SVIL: variants seen among roughly 807,000 people sequenced by gnomAD.
SVIL encodes the protein archvillin.
SVIL carries 101 observed loss-of-function variants against 240.4 expected under a neutral mutation model. That is an observed-to-expected ratio of 0.42 (90% CI 0.36 to 0.50). The LOEUF (loss-of-function observed/expected upper bound fraction) is 0.50. Ranked by LOEUF, SVIL falls within the 20% of genes least tolerant of loss-of-function variation. The probability of loss-of-function intolerance (pLI) is 0.01; values close to 1 mark genes in which losing one functional copy is unlikely to be tolerated. For missense variants in SVIL, 2,512 were observed against 2,818.7 expected (o/e 0.89, Z 2.46); for synonymous variants, 999 against 1,100.0 (o/e 0.91, Z 1.82).
chr10:29,536,364 T>A (rs1020164962), intron 6 of SVIL, among the ~76,000 whole-genome samples: 3 of 152,014 alleles, frequency 2.0e-5, no homozygotes, highest in Non-Finnish European at 2.9e-5. Context: ...ACAATTTACC[T>A]ACATAACAAA....
At chr10:29,639,400 A>C (rs1958412325), upstream of SVIL, among the ~76,000 whole-genome samples, 1 of 149,804 alleles carries the variant, frequency 6.7e-6, no homozygotes. Context: ...CGATCTCTCG[A>C]TTTCGTGATC....
intron 1 of SVIL, among the ~76,000 whole-genome samples, chr10:29,615,731 T>C (rs1165649047): frequency 6.6e-6 from 1 of 152,240 alleles, no homozygotes; most frequent in Non-Finnish European, 1.5e-5. Context: ...TTGCTATATA[T>C]CAAGCATTGG....
rs397726533 is a variant in SVIL at position 29,624,182 on chromosome 10, A to AAC, written c.-201+10237_-201+10238insGT. 8.0e-5 allele frequency among the ~76,000 whole-genome samples: 12 copies of AAC among 149,302 alleles called. No homozygotes were observed. In the South Asian group the frequency reaches 1.1e-3, roughly 13 times the overall value. On this transcript the variant is annotated intron_variant, in intron 1 of 37. Transcript: ENST00000355867. Reference sequence around the variant, plus strand: ...ATGAGCTTTCAAAAAAAAAAAAAAAACCCCTAGCATTTTCCATATGGTTTT... The same window carrying AAC: ...ATGAGCTTTCAAAAAAAAAAAAAAAAACCCCCTAGCATTTTCCATATGGTTTT...
chr10:29,588,907 T>C lies in SVIL; in HGVS notation c.-200-19595A>G, dbSNP rs1589333225. 1.3e-5 allele frequency among the ~76,000 whole-genome samples: 2 copies of C among 150,496 alleles called. 1 individual carries two copies. Among genetic ancestry groups the C allele is most frequent in the Non-Finnish European group, 3.0e-5 (2 of 67,636 alleles). On this transcript the variant is annotated intron_variant, in intron 1 of 37. Transcript: ENST00000355867. ...GTGACCACTTGCCTCACTTCCTACC[T>C]CCCCCACCCCCCCTTTTATTCCTTG...
At chr10:29,708,257 CAAAAAAAAAA>C (rs35982600) in intron 1 of SVIL, among the ~76,000 whole-genome samples, 2 of 62,708 alleles carry the variant, frequency 3.2e-5, no homozygotes, top group African/African-American at 1.3e-4. Context: ...GACTCCATCT[CAAAAAAAAAA>C]AAAAAAAAAA....
intron 1 of SVIL, among the ~76,000 whole-genome samples, chr10:29,688,236 C>T (rs1225455097): frequency 2.6e-5 from 4 of 152,178 alleles, no homozygotes; most frequent in Non-Finnish European, 4.4e-5. Context: ...TGCTTCGAGG[C>T]GGTGAGGCAG....
At chr10:29,462,189 T>C in intron 36 of SVIL, 88 bp downstream of exon 36, 1 of 1,468,966 alleles carries the variant, frequency 6.8e-7, no homozygotes, top group South Asian at 1.5e-5. Flanking sequence ...ACTCTGAAAG[T>C]GCAATTGGAT....
chr10:29,523,729 C>G lies in SVIL; in HGVS notation c.2885G>C (p.Gly962Ala). The part of the protein sequence containing the change: ...SKRALTGRDS[G>A]MEKYGSFEEA... ...CTCAAAGGACCCATACTTCTCCATCCCACTGTCTCGACCTGTCAAAGCTCT... is the reference window on the plus strand; with the variant it reads ...CTCAAAGGACCCATACTTCTCCATCGCACTGTCTCGACCTGTCAAAGCTCT... Residue 962 changes from glycine to alanine, a missense_variant, in exon 15 of 38, where the codon GGG (glycine) becomes GCG (alanine). By Grantham distance (60) the Gly-to-Ala change is moderately conservative. This residue lies in a region of SVIL where 1,443 missense variants were observed against 1,486.6 expected (regional missense o/e 0.97). Coordinates refer to ENST00000355867, the MANE Select transcript of SVIL (RefSeq NM_021738.3). 1 of 1,614,192 alleles carries G rather than the reference C, an allele frequency of 6.2e-7. No individual in the cohort carries two copies. The highest frequency in any genetic ancestry group is 1.1e-5 in the South Asian group (1 of 91,086).
At chr10:29,509,330 G>GGAGGGAGAGA (rs1323408870) in intron 17 of SVIL, among the ~76,000 whole-genome samples, 963 of 66,692 alleles carry the variant, frequency 0.014, 20 homozygotes, top group Middle Eastern at 0.066. Context: ...GGAGGGGGAG[G>GGAGGGAGAGA]GAGAGAGAGA....
chr10:29,590,165 CAAAAAAAAAAA>C (rs58469441), intron 1 of SVIL, among the ~76,000 whole-genome samples: 26 of 79,670 alleles, frequency 3.3e-4, no homozygotes, highest in East Asian at 3.0e-3. Context: ...GACTCCGTCT[CAAAAAAAAAAA>C]AAAAAAAAAA....
chr10:29,622,380 G>A (rs1171363111), intron 1 of SVIL, among the ~76,000 whole-genome samples: 1 of 150,544 alleles, frequency 6.6e-6, no homozygotes, highest in East Asian at 2.0e-4. Flanking sequence ...CTCTTCTTAT[G>A]ATCATCCCGC....
At chr10:29,489,547 T>C (rs1204947711) in intron 22 of SVIL, among the ~76,000 whole-genome samples, 1 of 152,196 alleles carries the variant, frequency 6.6e-6, no homozygotes, top group Non-Finnish European at 1.5e-5. Context: ...TTAAATACAC[T>C]TTTTTTGTTG....
Position 29,484,332 on chromosome 10 carries a change from A to G in SVIL, c.4955+324T>C, listed in dbSNP as rs1947185158. On this transcript the variant is annotated intron_variant, in intron 27 of 37. Transcript: ENST00000355867. The surrounding 1 kb of genome is among the most constrained non-coding windows in gnomAD (Gnocchi z 4.7). Reference sequence around the variant, plus strand: ...ACCCGGGGAAGCCTTTCAGATCCGCATGTAATTTGTTTAAACAATTGCTGT... The same window carrying G: ...ACCCGGGGAAGCCTTTCAGATCCGCGTGTAATTTGTTTAAACAATTGCTGT... Among the ~76,000 whole-genome samples the G allele has an allele frequency of 2.0e-5, 3 of 152,142 alleles. No individual in the cohort carries two copies. The South Asian group carries it at 6.2e-4, about 31-fold the overall frequency.
At chr10:29,463,373 G>A in intron 35 of SVIL, 119 bp downstream of exon 35, 5 of 1,343,678 alleles carry the variant, frequency 3.7e-6, no homozygotes, top group Non-Finnish European at 4.9e-6. Flanking sequence ...CCACCTGCCA[G>A]GCTTTATGGA....
intron 3 of SVIL, among the ~76,000 whole-genome samples, chr10:29,652,949 T>C (rs567198688): frequency 2.0e-5 from 3 of 152,168 alleles, no homozygotes; most frequent in East Asian, 3.9e-4. Flanking sequence ...TTATGACATA[T>C]ATAATTTGCA....
intron 18 of SVIL, among the ~76,000 whole-genome samples, chr10:29,498,110 A>G (rs1198144225): frequency 5.3e-5 from 8 of 149,608 alleles, no homozygotes; most frequent in Non-Finnish European, 7.4e-5. Flanking sequence ...AAAAAAAAAA[A>G]AAAAAAAGAA....
chr10:29,465,548 A>C, intron 34 of SVIL, 47 bp downstream of exon 34: 2 of 1,543,026 alleles, frequency 1.3e-6, no homozygotes, highest in Non-Finnish European at 1.7e-6. Flanking sequence ...GCTTTCTGGA[A>C]GATGTGCCTT....
intron 1 of SVIL, among the ~76,000 whole-genome samples, chr10:29,603,830 C>CA (rs1457870658): frequency 2.0e-5 from 3 of 152,170 alleles, no homozygotes; most frequent in Admixed American, 2.0e-4. Flanking sequence ...GCATTCAATT[C>CA]ATATAAAATT....
chr10:29,517,513 TGGG>T (rs890726191), intron 16 of SVIL, among the ~76,000 whole-genome samples: 5 of 152,288 alleles, frequency 3.3e-5, no homozygotes, highest in Admixed American at 2.6e-4. Context: ...TACATAAATC[TGGG>T]GCCCTCTAGT....
Sources: allele counts gnomAD v4.1 joint callset (sites outside exome capture counted in the v4.1 genomes callset), GRCh38; gene constraint gnomAD v4.1.1; regional missense constraint gnomAD v4.1.1; non-coding constraint Gnocchi (gnomAD v3.1); transcripts MANE v1.5; gene names NCBI Gene and HGNC (gene_info 2026-07-23, HGNC 2026-07-21).